The following OR6M1 variants were observed in gnomAD, a reference collection of about 807,000 sequenced individuals.
The protein encoded by OR6M1 is olfactory receptor 6M1.
For missense variants in OR6M1, 364 were observed against 377.8 expected (o/e 0.96, Z 0.30); for synonymous variants, 167 against 146.3 (o/e 1.14, Z -1.02).
chr11:123,806,129 A>T lies in OR6M1; in HGVS notation c.221T>A (p.Val74Asp). 6.2e-7 allele frequency: 1 copy of T among 1,614,142 alleles called. No individual in the cohort carries two copies. Among genetic ancestry groups the T allele is most frequent in the South Asian group, 1.1e-5 (1 of 91,082 alleles). Residue 74 changes from valine to aspartate, a missense_variant, in exon 1 of 1, where the codon GTC (valine) becomes GAC (aspartate). Val to Asp is a radical substitution (Grantham distance 152). Transcript: ENST00000309154. ...LSFLDILYTT[V>D]ITPKLLACLL... ...GCAGGCCAACAACTTTGGGGTAATG[A>T]CAGTGGTGTATAAGATATCCAGAAA...
chr11:123,805,487 C>T lies in OR6M1; in HGVS notation c.863G>A (p.Ser288Asn). ...TTCCTGTACCTTCTCATTCCTCAAGCTGTAGATAAAAGGGTTCAGGAGAGG... is the reference window on the plus strand; with the variant it reads ...TTCCTGTACCTTCTCATTCCTCAAGTTGTAGATAAAAGGGTTCAGGAGAGG... ...VTPLLNPFIY[S>N]LRNEKVQEVL... Residue 288 changes from serine to asparagine, a missense_variant, in exon 1 of 1, where the codon AGC becomes AAC. Physicochemically the swap from Ser to Asn is conservative, Grantham distance 46. Transcript: ENST00000309154. The T allele has an allele frequency of 6.2e-7, 1 of 1,614,010 alleles. No homozygotes were observed. Among genetic ancestry groups the T allele is most frequent in the African/African-American group, 1.3e-5 (1 of 74,996 alleles).
Position 123,805,448 on chromosome 11 carries a change from G to C in OR6M1, c.902C>G (p.Thr301Arg), listed in dbSNP as rs758363090. The C allele has an allele frequency of 1.2e-6, 2 of 1,613,256 alleles. No homozygotes were observed. The highest frequency in any genetic ancestry group is 1.7e-6 in the Non-Finnish European group (2 of 1,179,578). ...NEKVQEVLRE[T>R]VNRIMTLIQR... ...TATCAAGGTCATGATTCTGTTCACTGTCTCTCTCAACACTTCCTGTACCTT... is the reference window on the plus strand; with the variant it reads ...TATCAAGGTCATGATTCTGTTCACTCTCTCTCTCAACACTTCCTGTACCTT... The change falls in exon 1 of 1, where the codon ACA becomes AGA. Residue 301 changes from threonine (T) to arginine (R), a missense_variant. By Grantham distance (71) the Thr-to-Arg change is moderately conservative (BLOSUM62 -1). Coordinates refer to ENST00000309154, the MANE Select transcript of OR6M1 (RefSeq NM_001005325.1).
In OR6M1 at chr11:123,805,873, A is replaced by G; in HGVS notation, c.477T>C (p.Ile159=). ...GAFLSVLFPT[I]VVTRLPYCRK... ...TACAGTAAGGTAGCCTTGTCACTAC[A>G]ATGGTTGGAAACAACACAGACAGGA... Residue 159 remains isoleucine (I), a synonymous_variant, in exon 1 of 1, where the codon ATT becomes ATC. Coordinates refer to ENST00000309154, the MANE Select transcript of OR6M1 (RefSeq NM_001005325.1). 1.9e-6 allele frequency: 3 copies of G among 1,614,050 alleles called. No homozygotes were observed. In the African/African-American group the frequency reaches 4.0e-5, roughly 22 times the overall value.
chr11:123,806,142 A>G lies in OR6M1; in HGVS notation c.208T>C (p.Leu70=), dbSNP rs777411646. 23 of 1,614,010 alleles carry G rather than the reference A, an allele frequency of 1.4e-5. No homozygotes were observed. Among genetic ancestry groups the G allele is most frequent in the Admixed American group, 6.7e-5 (4 of 59,980 alleles). The change falls in exon 1 of 1, where the codon TTA becomes CTA. Residue 70 remains leucine (L), a synonymous_variant. Transcript: ENST00000309154. ...TTTGGGGTAATGACAGTGGTGTATA[A>G]GATATCCAGAAAGGACAAATTACTG... ...FLSNLSFLDI[L]YTTVITPKLL...
Position 123,805,993 on chromosome 11 carries a change from G to A in OR6M1, c.357C>T (p.Asp119=), listed in dbSNP as rs1231915098. 2.5e-6 allele frequency: 4 copies of A among 1,613,790 alleles called. No homozygotes were observed. The highest frequency in any genetic ancestry group is 3.4e-6 in the Non-Finnish European group (4 of 1,179,988). ...GTGGGTCGCAGATAGCCATGTAGCGGTCAAAGGACATCACCGCCAAGAGGA... is the reference window on the plus strand; with the variant it reads ...GTGGGTCGCAGATAGCCATGTAGCGATCAAAGGACATCACCGCCAAGAGGA... ...EFILLAVMSF[D]RYMAICDPLH... is the part of the protein sequence containing the mutation. Residue 119 remains aspartate, a synonymous_variant, in exon 1 of 1, where the codon GAC becomes GAT. Coordinates refer to ENST00000309154, the MANE Select transcript of OR6M1 (RefSeq NM_001005325.1).
In OR6M1 at chr11:123,805,683, G is replaced by A; in HGVS notation, c.667C>T (p.Leu223=). ...GSYVYIISTI[L]RIPSTQGRQK... is the part of the protein sequence containing the mutation. ...CGGCCCTGGGTGGAGGGGATACGCAGGATGGTAGAAATTATGTACACGTAG... is the reference window on the plus strand; with the variant it reads ...CGGCCCTGGGTGGAGGGGATACGCAAGATGGTAGAAATTATGTACACGTAG... The change falls in exon 1 of 1, where the codon CTG becomes TTG. Residue 223 remains leucine (L), a synonymous_variant. Coordinates refer to ENST00000309154, the MANE Select transcript of OR6M1 (RefSeq NM_001005325.1). 6.2e-7 allele frequency: 1 copy of A among 1,614,028 alleles called. No individual in the cohort carries two copies. The highest frequency in any genetic ancestry group is 8.5e-7 in the Non-Finnish European group (1 of 1,179,996).
Position 123,805,830 on chromosome 11 carries a change from A to G in OR6M1, c.520T>C (p.Phe174Leu). ...AGAAGAGGGGCAATGTCACAGAAGA[A>G]ATGATTAATTTCTTTCCTACAGTAA... is the stretch of plus-strand genomic sequence containing the variant. Reference protein sequence around the residue: ...LPYCRKEINHFFCDIAPLLQV... With the variant: ...LPYCRKEINHLFCDIAPLLQV... Residue 174 changes from phenylalanine to leucine, a missense_variant, in exon 1 of 1, where the codon TTC becomes CTC. Coordinates refer to ENST00000309154, the MANE Select transcript of OR6M1 (RefSeq NM_001005325.1). 6 of 1,614,058 alleles carry G rather than the reference A, an allele frequency of 3.7e-6. No homozygotes were observed. Among genetic ancestry groups the G allele is most frequent in the Non-Finnish European group, 5.1e-6 (6 of 1,179,986 alleles).
Position 123,805,928 on chromosome 11 carries a change from A to G in OR6M1, c.422T>C (p.Leu141Pro). 1 of 1,613,820 alleles carries G rather than the reference A, an allele frequency of 6.2e-7. No individual in the cohort carries two copies. Among genetic ancestry groups the G allele is most frequent in the Non-Finnish European group, 8.5e-7 (1 of 1,179,876 alleles). ...TVIMNSRACL[L>P]LVLGCWVGAF... ...TCCCACCCAGCATCCCAGAACCAGC[A>G]GAAGGCAGGCCCTGCTGTTCATGAT... Residue 141 changes from leucine to proline, a missense_variant, in exon 1 of 1, where the codon CTG becomes CCG. Leu to Pro is a moderately conservative substitution (Grantham distance 98). Transcript: ENST00000309154.
In OR6M1 at chr11:123,805,601, C is replaced by T. The variant is rs774557904; in HGVS notation, c.749G>A (p.Gly250Glu). The change falls in exon 1 of 1, where the codon GGG becomes GAG. Residue 250 changes from glycine (G) to glutamate (E), a missense_variant. Transcript: ENST00000309154. Reference protein sequence around the residue: ...SHITVVSIAHGSNIFVYVRPN... With the variant: ...SHITVVSIAHESNIFVYVRPN... ...TCTCACATACACAAAGATGTTGCTC[C>T]CGTGGGCAATGGAGACAACAGTGAT... 4 of 1,613,878 alleles carry T rather than the reference C, an allele frequency of 2.5e-6. No individual in the cohort carries two copies. The South Asian group carries it at 4.4e-5, about 18-fold the overall frequency.
In OR6M1 at chr11:123,805,448, GTCTC is replaced by G; in HGVS notation, c.898_901del (p.Glu300GlnfsTer2). 1 of 1,613,256 alleles carries G rather than the reference GTCTC, an allele frequency of 6.2e-7. No individual in the cohort carries two copies. The highest frequency in any genetic ancestry group is 8.5e-7 in the Non-Finnish European group (1 of 1,179,578). On this transcript the variant is annotated frameshift_variant, in exon 1 of 1. Coordinates refer to ENST00000309154, the MANE Select transcript of OR6M1 (RefSeq NM_001005325.1). LOFTEE classifies it low-confidence loss of function (END_TRUNC). ...TATCAAGGTCATGATTCTGTTCACT[GTCTC>G]TCTCAACACTTCCTGTACCTTCTCA...
chr11:123,806,069 C>T lies in OR6M1; in HGVS notation c.281G>A (p.Gly94Asp), dbSNP rs147835876. 40,371 of 1,614,028 alleles carry T rather than the reference C, an allele frequency of 0.025. 610 individuals are homozygous for T. Among genetic ancestry groups the T allele is most frequent in the Middle Eastern group, 0.03 (180 of 6,062 alleles). ...GTAGAAATATGTTTGGATCATGCAACCAGCAAAAGATATGGTTTTCTCTTC... is the reference window on the plus strand; with the variant it reads ...GTAGAAATATGTTTGGATCATGCAATCAGCAAAAGATATGGTTTTCTCTTC... ...LGEEKTISFA[G>D]CMIQTYFYFF... Residue 94 changes from glycine to aspartate, a missense_variant, in exon 1 of 1, where the codon GGT becomes GAT. Transcript: ENST00000309154.
Position 123,806,097 on chromosome 11 carries a change from C to G in OR6M1, c.253G>C (p.Gly85Arg), listed in dbSNP as rs552351328. Residue 85 changes from glycine (G) to arginine (R), a missense_variant, in exon 1 of 1, where the codon GGA becomes CGA. Gly to Arg is a moderately radical substitution (Grantham distance 125). Transcript: ENST00000309154. The stretch of plus-strand genomic sequence containing the variant: ...GCAAAAGATATGGTTTTCTCTTCTC[C>G]TAGGAGGCAGGCCAACAACTTTGGG... ...ITPKLLACLL[G>R]EEKTISFAGC... 6.2e-7 allele frequency: 1 copy of G among 1,614,024 alleles called. No individual in the cohort carries two copies. The highest frequency in any genetic ancestry group is 1.3e-5 in the African/African-American group (1 of 75,008).
In OR6M1 at chr11:123,805,682, A is replaced by G. The variant is rs926199859; in HGVS notation, c.668T>C (p.Leu223Pro). Residue 223 changes from leucine (L) to proline (P), a missense_variant, in exon 1 of 1, where the codon CTG (leucine) becomes CCG (proline). Transcript: ENST00000309154. The part of the protein sequence containing the change: ...GSYVYIISTI[L>P]RIPSTQGRQK... The stretch of plus-strand genomic sequence containing the variant: ...ACGGCCCTGGGTGGAGGGGATACGC[A>G]GGATGGTAGAAATTATGTACACGTA... The G allele has an allele frequency of 6.8e-6, 11 of 1,613,966 alleles. No individual in the cohort carries two copies. The East Asian group carries it at 2.5e-4, about 36-fold the overall frequency.
Position 123,806,180 on chromosome 11 carries a change from A to G in OR6M1, c.170T>C (p.Met57Thr), listed in dbSNP as rs1234910696. The change falls in exon 1 of 1, where the codon ATG (methionine) becomes ACG (threonine). Residue 57 changes from methionine (M) to threonine (T), a missense_variant. Physicochemically the swap from Met to Thr is moderately conservative, Grantham distance 81 (BLOSUM62 -1). Transcript: ENST00000309154. Reference protein sequence around the residue: ...IWIDHRLQTPMYFFLSNLSFL... With the variant: ...IWIDHRLQTPTYFFLSNLSFL... ...GGACAAATTACTGAGGAAGAAGTAC[A>G]TTGGAGTTTGCAGGCGATGATCAAT... is the stretch of plus-strand genomic sequence containing the variant. 2 of 1,614,038 alleles carry G rather than the reference A, an allele frequency of 1.2e-6. No individual in the cohort carries two copies. Among genetic ancestry groups the G allele is most frequent in the South Asian group, 1.1e-5 (1 of 91,090 alleles).
At position 123,805,409 on chromosome 11, in the gene OR6M1, CAA is replaced by C. The variant is rs1169588050; in HGVS notation, c.939_940del (p.Thr314ThrfsTer?). The C allele has an allele frequency of 6.3e-7, 1 of 1,587,910 alleles. No individual in the cohort carries two copies. The highest frequency in any genetic ancestry group is 2.2e-5 in the East Asian group (1 of 44,724). On this transcript the variant is annotated frameshift_variant and stop_lost, in exon 1 of 1. Transcript: ENST00000309154. LOFTEE classifies it high-confidence loss of function. ...TATTTAATGTAGTGTATACCAGTGT[CAA>C]GTTTTCCTTTGTATCAAGGTCATGA... is the stretch of plus-strand genomic sequence containing the variant.
Position 123,805,699 on chromosome 11 carries a change from G to A in OR6M1, c.651C>T (p.Tyr217=), listed in dbSNP as rs1417385102. The A allele has an allele frequency of 3.1e-6, 5 of 1,613,928 alleles. No homozygotes were observed. The highest frequency in any genetic ancestry group is 4.2e-6 in the Non-Finnish European group (5 of 1,179,996). ...SLAFTTGSYV[Y]IISTILRIPS... ...GGATACGCAGGATGGTAGAAATTAT[G>A]TACACGTAGGACCCAGTAGTGAATG... The change falls in exon 1 of 1, where the codon TAC becomes TAT. Residue 217 remains tyrosine (Y), a synonymous_variant. Coordinates refer to ENST00000309154, the MANE Select transcript of OR6M1 (RefSeq NM_001005325.1).
In OR6M1 at chr11:123,805,790, A is replaced by T. The variant is rs1027334592; in HGVS notation, c.560T>A (p.Ile187Lys). ...DIAPLLQVAC[I>K]NTHLIEKINF... The stretch of plus-strand genomic sequence containing the variant: ...TATCTTCTCAATGAGGTGAGTATTT[A>T]TACAGGCCACCTGAAGAAGAGGGGC... Residue 187 changes from isoleucine to lysine, a missense_variant, in exon 1 of 1, where the codon ATA (isoleucine) becomes AAA (lysine). Physicochemically the swap from Ile to Lys is moderately radical, Grantham distance 102 (BLOSUM62 -3). Coordinates refer to ENST00000309154, the MANE Select transcript of OR6M1 (RefSeq NM_001005325.1). The T allele has an allele frequency of 1.2e-6, 2 of 1,614,070 alleles. No homozygotes were observed. Among genetic ancestry groups the T allele is most frequent in the Non-Finnish European group, 1.7e-6 (2 of 1,179,982 alleles).
In OR6M1 at chr11:123,806,200, A is replaced by G. The variant is rs891258073; in HGVS notation, c.150T>C (p.Asp50=). Residue 50 remains aspartate, a synonymous_variant, in exon 1 of 1, where the codon GAT becomes GAC. Coordinates refer to ENST00000309154, the MANE Select transcript of OR6M1 (RefSeq NM_001005325.1). ...AGTACATTGGAGTTTGCAGGCGATGATCAATCCATATCAGGGAGATGATGG... is the reference window on the plus strand; with the variant it reads ...AGTACATTGGAGTTTGCAGGCGATGGTCAATCCATATCAGGGAGATGATGG... ...NITIISLIWI[D]HRLQTPMYFF... 2.5e-6 allele frequency: 4 copies of G among 1,614,126 alleles called. No homozygotes were observed. The highest frequency in any genetic ancestry group is 3.4e-6 in the Non-Finnish European group (4 of 1,179,976).
Position 123,805,675 on chromosome 11 carries a change from G to C in OR6M1, c.675C>G (p.Ile225Met), listed in dbSNP as rs1306481512. The C allele has an allele frequency of 2.5e-6, 4 of 1,614,026 alleles. No homozygotes were observed. The highest frequency in any genetic ancestry group is 3.4e-6 in the Non-Finnish European group (4 of 1,179,972). The part of the protein sequence containing the change: ...YVYIISTILR[I>M]PSTQGRQKAF... ...CTTTCTGACGGCCCTGGGTGGAGGG[G>C]ATACGCAGGATGGTAGAAATTATGT... Residue 225 changes from isoleucine (I) to methionine (M), a missense_variant, in exon 1 of 1, where the codon ATC (isoleucine) becomes ATG (methionine). Ile to Met is a conservative substitution (Grantham distance 10). Transcript: ENST00000309154.
Sources: gnomAD v4.1 joint callset for allele counts on GRCh38, gnomAD v4.1.1 for gene constraint, MANE v1.5 for transcripts, NCBI Gene and HGNC (gene_info 2026-07-23, HGNC 2026-07-21) for gene names.